The following RAB43 variants were observed in gnomAD, a reference collection of about 807,000 sequenced individuals.
RAB43 encodes the protein ras-related protein Rab-43.
RAB43 carries 6 observed loss-of-function variants against 18.8 expected under a neutral mutation model. The ratio of observed to expected loss-of-function variants is 0.32; its 90% CI spans 0.17 to 0.63. The LOEUF (loss-of-function observed/expected upper bound fraction) is 0.63, where lower values mean the gene tolerates loss of function less well. RAB43 is among the 30% of genes least tolerant of loss of function. The pLI is 0.79. For missense variants in RAB43, 195 were observed against 289.1 expected (o/e 0.67, Z 2.36); for synonymous variants, 103 against 124.1 (o/e 0.83, Z 1.13).
intron 1 of RAB43, among the ~76,000 whole-genome samples, chr3:129,099,381 G>C (rs969391189): frequency 7.3e-5 from 11 of 150,870 alleles, no homozygotes. Context: ...GTGAGCCACC[G>C]CGCCTGGCCT....
chr3:129,105,609 G>C (rs1376808308), intron 1 of RAB43, among the ~76,000 whole-genome samples: 3 of 151,934 alleles, frequency 2.0e-5, no homozygotes, highest in African/African-American at 7.3e-5. Flanking sequence ...GTGAAACGCT[G>C]TTTCTACTAA....
At chr3:129,119,416 G>A (rs1378822970) in intron 1 of RAB43, among the ~76,000 whole-genome samples, 1 of 152,196 alleles carries the variant, frequency 6.6e-6, no homozygotes, top group African/African-American at 2.4e-5. Context: ...CACTATGGGG[G>A]AGAAATCTGC....
chr3:129,102,859 A>T (rs1934516299), intron 1 of RAB43, among the ~76,000 whole-genome samples: 1 of 152,138 alleles, frequency 6.6e-6, no homozygotes, highest in Non-Finnish European at 1.5e-5. Flanking sequence ...TGAGAGCTGA[A>T]TGCCTCTGAT....
At chr3:129,092,607 T>C in intron 2 of RAB43, 1 of 658,700 alleles carries the variant, frequency 1.5e-6, no homozygotes, top group South Asian at 1.7e-5. Flanking sequence ...AAAATATATG[T>C]ATGTATATAA....
chr3:129,110,441 G>A (rs1353953344), intron 1 of RAB43, among the ~76,000 whole-genome samples: 1 of 152,204 alleles, frequency 6.6e-6, no homozygotes, highest in Admixed American at 6.5e-5. Context: ...GAGTGCCTGA[G>A]GGTGGAAGGA....
chr3:129,121,307 C>G lies in RAB43; in HGVS notation c.183G>C (p.Glu61Asp). The G allele has an allele frequency of 6.2e-7, 1 of 1,608,272 alleles. No homozygotes were observed. Among genetic ancestry groups the G allele is most frequent in the Non-Finnish European group, 8.5e-7 (1 of 1,177,640 alleles). The change falls in exon 1 of 3, where the codon GAG (glutamate) becomes GAC (aspartate). Residue 61 changes from glutamate (E) to aspartate (D), a missense_variant. Glu to Asp is a conservative substitution (Grantham distance 45). Transcript: ENST00000315150. The part of the protein sequence containing the change: ...IGVDFTMKTL[E>D]IQGKRVKLQI... ...CCACCTTGACCCGCTTGCCCTGGATCTCCAGCGTCTTCATGGTGAAGTCGA... is the reference window on the plus strand; with the variant it reads ...CCACCTTGACCCGCTTGCCCTGGATGTCCAGCGTCTTCATGGTGAAGTCGA...
intron 1 of RAB43, among the ~76,000 whole-genome samples, chr3:129,117,442 A>T (rs1159984933): frequency 6.6e-6 from 1 of 152,204 alleles, no homozygotes; most frequent in Non-Finnish European, 1.5e-5. Context: ...GATAAGCAGC[A>T]CTCAGATTCA....
In RAB43 at chr3:129,121,567, C is replaced by T; in HGVS notation, c.-78G>A. The T allele has an allele frequency of 1.6e-6, 2 of 1,285,334 alleles. No individual in the cohort carries two copies. Among genetic ancestry groups the T allele is most frequent in the South Asian group, 3.0e-5 (2 of 67,642 alleles). 79.6% of individuals were successfully genotyped at this position (1,285,334 alleles called of 1,614,324 possible). ...CTCACGCAAGCCGCGGGCCGAGCTC[C>T]GCCCGCTCCAGCCCACGGGCCGCCT... is the stretch of plus-strand genomic sequence containing the variant. On this transcript the variant is annotated 5_prime_UTR_variant, in exon 1 of 3. Coordinates refer to ENST00000315150, the MANE Select transcript of RAB43 (RefSeq NM_198490.3).
Position 129,094,006 on chromosome 3 carries a change from G to A in RAB43, c.388+980C>T, listed in dbSNP as rs765247723. 7.9e-5 allele frequency among the ~76,000 whole-genome samples: 12 copies of A among 152,336 alleles called. 1 individual carries two copies. The highest frequency in any genetic ancestry group is 3.4e-3 in the Middle Eastern group (1 of 294). Reference sequence around the variant, plus strand: ...ACATAAGAGCTAAAGAGCTTCTCCAGTCCAGGTCTGGGAAGGTTATATAGA... The same window carrying A: ...ACATAAGAGCTAAAGAGCTTCTCCAATCCAGGTCTGGGAAGGTTATATAGA... On this transcript the variant is annotated intron_variant, in intron 2 of 2. Coordinates refer to ENST00000315150, the MANE Select transcript of RAB43 (RefSeq NM_198490.3).
chr3:129,091,405 C>A, intron 2 of RAB43, 59 bp from the exon 3 acceptor site: 2 of 1,545,600 alleles, frequency 1.3e-6, no homozygotes, highest in Middle Eastern at 1.7e-4. Context: ...CCAGTCCCAC[C>A]TGGGAGGGTC....
intron 1 of RAB43, among the ~76,000 whole-genome samples, chr3:129,096,090 C>T (rs1325038511): frequency 1.3e-5 from 2 of 152,252 alleles, no homozygotes; most frequent in African/African-American, 2.4e-5. Context: ...CAGCTTGTGG[C>T]GTGTGCCAAG....
intron 1 of RAB43, among the ~76,000 whole-genome samples, chr3:129,108,180 C>G (rs1351936672): frequency 6.6e-6 from 1 of 152,242 alleles, no homozygotes; most frequent in African/African-American, 2.4e-5. Flanking sequence ...GGGCCTCCCT[C>G]CCCTTCACGC....
intron 1 of RAB43, among the ~76,000 whole-genome samples, chr3:129,119,506 G>A (rs978643435): frequency 6.6e-6 from 1 of 152,170 alleles, no homozygotes; most frequent in African/African-American, 2.4e-5. Flanking sequence ...TCCTGTGTGA[G>A]CGGGGGTAAG....
intron 1 of RAB43, among the ~76,000 whole-genome samples, chr3:129,114,044 A>G (rs994792170): frequency 2.0e-5 from 3 of 152,144 alleles, no homozygotes; most frequent in Non-Finnish European, 4.4e-5. Context: ...AAGAAAAAAA[A>G]AAGAAAGATC....
chr3:129,103,553 T>C (rs1934565538), intron 1 of RAB43, among the ~76,000 whole-genome samples: 1 of 151,338 alleles, frequency 6.6e-6, no homozygotes. Flanking sequence ...GGCCTCCTCA[T>C]TCATTCCCAT....
At chr3:129,093,122 C>T (rs977834810) in intron 2 of RAB43, among the ~76,000 whole-genome samples, 11 of 151,848 alleles carry the variant, frequency 7.2e-5, no homozygotes, top group Non-Finnish European at 1.3e-4. Context: ...TCCGCAGTAG[C>T]TGGGATTACA....
Position 129,120,332 on chromosome 3 carries a change from C to A in RAB43, c.204+954G>T, listed in dbSNP as rs187325540. On this transcript the variant is annotated intron_variant, in intron 1 of 2. Coordinates refer to ENST00000315150, the MANE Select transcript of RAB43 (RefSeq NM_198490.3). ...GAGGCAGAGCCCAGCAGCAGCAAGG[C>A]TCCAGTGACTCCCATCTCCCTGGCA... 2.8e-4 allele frequency among the ~76,000 whole-genome samples: 42 copies of A among 152,316 alleles called. No homozygotes were observed. In the East Asian group the frequency reaches 7.9e-3, roughly 29 times the overall value.
intron 2 of RAB43, among the ~76,000 whole-genome samples, 191 bp downstream of exon 2, chr3:129,094,795 G>A (rs1933928232): frequency 6.6e-6 from 1 of 152,196 alleles, no homozygotes; most frequent in African/African-American, 2.4e-5. Flanking sequence ...GGGACTACAG[G>A]CGTGAGCCAC....
intron 1 of RAB43, among the ~76,000 whole-genome samples, chr3:129,102,629 T>TAAAAAAAAAAAA (rs1559998559): frequency 4.2e-4 from 1 of 2,396 alleles, no homozygotes; most frequent in Non-Finnish European, 2.9e-3. Context: ...AGACTCCATC[T>TAAAAAAAAAAAA]CAAAAAAAAA....
Sources: allele counts gnomAD v4.1 joint callset (sites outside exome capture counted in the v4.1 genomes callset), GRCh38; gene constraint gnomAD v4.1.1; transcripts MANE v1.5; gene names NCBI Gene and HGNC (gene_info 2026-07-23, HGNC 2026-07-21).